Variants in LHFPL2 observed in about 807,000 individuals in gnomAD.
LHFPL2 encodes LHFPL tetraspan subfamily member 2 protein.
Under a neutral mutation model 17.5 loss-of-function variants are expected in LHFPL2, and 7 were observed. That is an observed-to-expected ratio of 0.40 (90% CI 0.23 to 0.75). LHFPL2 has a LOEUF of 0.75. LHFPL2 is among the 30% of genes least tolerant of loss of function. The pLI is 0.37. For missense variants in LHFPL2, 241 were observed against 294.8 expected, an observed-to-expected ratio of 0.82 and a Z score of 1.34; for synonymous variants, 134 against 116.2, an observed-to-expected ratio of 1.15 and a Z score of -0.99.
intron 3 of LHFPL2, among the ~76,000 whole-genome samples, chr5:78,532,013 C>A (rs958247657): frequency 6.6e-6 from 1 of 151,972 alleles, no homozygotes; most frequent in Non-Finnish European, 1.5e-5. Flanking sequence ...CAACCTCCAC[C>A]TCTCAGGTTC....
intron 2 of LHFPL2, among the ~76,000 whole-genome samples, chr5:78,589,333 T>C (rs10067295): frequency 0.41 from 61,866 of 151,550 alleles, 12,933 homozygotes; most frequent in Middle Eastern, 0.48. Context: ...TAGCTGGGCA[T>C]GGTGGCACGC....
At chr5:78,623,245 ATCT>A (rs1744919877) in intron 2 of LHFPL2, among the ~76,000 whole-genome samples, 1 of 152,220 alleles carries the variant, frequency 6.6e-6, no homozygotes, top group African/African-American at 2.4e-5. Flanking sequence ...ATATGAACCA[ATCT>A]TCTTGCTTAT....
chr5:78,643,274 A>G (rs1164067684), intron 1 of LHFPL2, among the ~76,000 whole-genome samples: 7 of 152,226 alleles, frequency 4.6e-5, no homozygotes, highest in Admixed American at 2.0e-4. Flanking sequence ...GTAATGAAAA[A>G]AAAAGAAAAA....
chr5:78,488,638 A>T lies in LHFPL2; in HGVS notation c.*259T>A. 1 of 475,382 alleles carries T rather than the reference A, an allele frequency of 2.1e-6. No homozygotes were observed. Among genetic ancestry groups the T allele is most frequent in the Non-Finnish European group, 3.8e-6 (1 of 260,282 alleles). 29.4% of individuals were successfully genotyped at this position (475,382 alleles called of 1,614,324 possible). The stretch of plus-strand genomic sequence containing the variant: ...CCTTCATTGAACCTGGGGGAGATGG[A>T]GTCTGACAGAACTTGGCAACTCCAG... On this transcript the variant is annotated 3_prime_UTR_variant, in exon 5 of 5. Transcript: ENST00000380345.
chr5:78,486,613 G>C lies in LHFPL2; in HGVS notation c.*2284C>G, dbSNP rs1754251618. The C allele has an allele frequency of 6.6e-6, 1 of 152,218 alleles. No individual in the cohort carries two copies. The highest frequency in any genetic ancestry group is 2.4e-5 in the African/African-American group (1 of 41,424). 9.4% of individuals were successfully genotyped at this position (152,218 alleles called of 1,614,324 possible). A position where few individuals can be genotyped will look rare whatever the true frequency, so the allele number is the denominator to read the frequency against. On this transcript the variant is annotated 3_prime_UTR_variant, in exon 5 of 5. Transcript: ENST00000380345. ...AGTCAGTGTTTAGGTAGTTTTTAGT[G>C]GTTTGGGGTTCTGTGTGTGTGCATG...
At chr5:78,564,748 C>T (rs1334427506) in intron 3 of LHFPL2, 65 bp downstream of exon 3, 1 of 152,120 alleles carries the variant, frequency 6.6e-6, no homozygotes, top group Non-Finnish European at 1.5e-5. Flanking sequence ...AAGAAGTTGC[C>T]ATTCGCTGGA....
intron 3 of LHFPL2, among the ~76,000 whole-genome samples, chr5:78,529,161 C>T (rs769174550): frequency 1.3e-5 from 2 of 152,062 alleles, no homozygotes; most frequent in Non-Finnish European, 2.9e-5. Flanking sequence ...TGGCATGCGC[C>T]TGTAGTCCCA....
chr5:78,514,674 C>G (rs1248247098), intron 3 of LHFPL2, among the ~76,000 whole-genome samples: 1 of 152,128 alleles, frequency 6.6e-6, no homozygotes, highest in African/African-American at 2.4e-5. Context: ...TTCACATCTA[C>G]CTGGAAAGAA....
intron 2 of LHFPL2, among the ~76,000 whole-genome samples, chr5:78,583,048 G>A (rs1370746134): frequency 6.6e-6 from 1 of 151,548 alleles, no homozygotes; most frequent in Non-Finnish European, 1.5e-5. Flanking sequence ...TAATGGCCTT[G>A]TCTCTTTTGA....
At chr5:78,629,324 T>C (rs1336897537) in intron 2 of LHFPL2, among the ~76,000 whole-genome samples, 3 of 152,250 alleles carry the variant, frequency 2.0e-5, no homozygotes, top group African/African-American at 7.2e-5. Context: ...CAAGTACCTG[T>C]ACGTTTTCCT....
intron 2 of LHFPL2, among the ~76,000 whole-genome samples, chr5:78,585,445 AAT>A (rs1371691518): frequency 6.6e-6 from 1 of 152,198 alleles, no homozygotes; most frequent in Non-Finnish European, 1.5e-5. Flanking sequence ...CGAGTGAGGC[AAT>A]GCCTCGCCCT....
intron 3 of LHFPL2, among the ~76,000 whole-genome samples, chr5:78,511,623 A>G (rs746246556): frequency 5.3e-5 from 8 of 152,248 alleles, no homozygotes; most frequent in Non-Finnish European, 1.2e-4. Flanking sequence ...GCAGGGAGTT[A>G]TCGAAGAGGA....
At chr5:78,508,951 G>C (rs954978233) in intron 4 of LHFPL2, among the ~76,000 whole-genome samples, 4 of 152,154 alleles carry the variant, frequency 2.6e-5, no homozygotes, top group Non-Finnish European at 5.9e-5. Flanking sequence ...CAAGAACCTT[G>C]AATCAAACCT....
chr5:78,514,629 G>A (rs752733145), intron 3 of LHFPL2, among the ~76,000 whole-genome samples: 19 of 152,136 alleles, frequency 1.2e-4, no homozygotes, highest in African/African-American at 2.7e-4. Context: ...AGTGCCCGCC[G>A]GCTGGATCAC....
chr5:78,601,874 C>T lies in LHFPL2; in HGVS notation c.-245+30390G>A, dbSNP rs146997082. On this transcript the variant is annotated intron_variant, in intron 2 of 4. Transcript: ENST00000380345. ...ACTGGAAACACAGCTGTGGTCACCA[C>T]ATCCCTAGTTAAACACTGCTCCACA... Among the ~76,000 whole-genome samples, 567 of 152,326 alleles carry T rather than the reference C, an allele frequency of 3.7e-3. 4 individuals carry two copies. Among genetic ancestry groups the T allele is most frequent in the South Asian group, 9.7e-3 (47 of 4,828 alleles).
chr5:78,646,098 A>G (rs1192309589), intron 1 of LHFPL2, among the ~76,000 whole-genome samples: 2 of 152,238 alleles, frequency 1.3e-5, no homozygotes, highest in Admixed American at 1.3e-4. Context: ...TGCCATTGCA[A>G]CAGGACATGT....
At chr5:78,612,985 G>A (rs1403468467) in intron 2 of LHFPL2, among the ~76,000 whole-genome samples, 1 of 152,194 alleles carries the variant, frequency 6.6e-6, no homozygotes, top group Non-Finnish European at 1.5e-5. Flanking sequence ...TGGTGATCTT[G>A]AAGTTCTCCT....
intron 1 of LHFPL2, among the ~76,000 whole-genome samples, chr5:78,638,484 T>A (rs892058119): frequency 2.6e-5 from 4 of 152,246 alleles, no homozygotes; most frequent in African/African-American, 7.2e-5. Flanking sequence ...ATAGACCTCG[T>A]GATCGTAAAT....
At chr5:78,596,355 G>T (rs1381245658) in intron 2 of LHFPL2, among the ~76,000 whole-genome samples, 1 of 152,196 alleles carries the variant, frequency 6.6e-6, no homozygotes, top group South Asian at 2.1e-4. Context: ...CTGCCTAGAG[G>T]ACGACCTTTC....
Sources: gnomAD v4.1 joint callset for allele counts (sites outside exome capture counted in the v4.1 genomes callset) on GRCh38, gnomAD v4.1.1 for gene constraint, MANE v1.5 for transcripts, NCBI Gene and HGNC (gene_info 2026-07-23, HGNC 2026-07-21) for gene names.